ZNF540: variants seen among roughly 807,000 people sequenced by gnomAD.
The protein encoded by ZNF540 is CTD-3064H18.6.
ZNF540 carries 3 observed loss-of-function variants against 11.8 expected under a neutral mutation model. The observed-to-expected ratio is 0.25, with a 90% CI of 0.12 to 0.65. The LOEUF (loss-of-function observed/expected upper bound fraction) is 0.65, where lower values mean the gene tolerates loss of function less well. Ranked by LOEUF, ZNF540 falls within the 30% of genes least tolerant of loss-of-function variation. The pLI is 0.83. For missense variants in ZNF540, 709 were observed against 793.1 expected (o/e 0.89, Z 1.27); for synonymous variants, 247 against 259.0 (o/e 0.95, Z 0.45).
intron 1 of ZNF540, among the ~76,000 whole-genome samples, chr19:37,573,800 T>G (rs1371326031): frequency 6.7e-6 from 1 of 148,744 alleles, no homozygotes; most frequent in Non-Finnish European, 1.5e-5. Context: ...GCCACTGCAC[T>G]CCAGTCTGCG....
chr19:37,553,938 C>T (rs1007041832), intron 1 of ZNF540, among the ~76,000 whole-genome samples: 13 of 152,136 alleles, frequency 8.5e-5, no homozygotes, highest in African/African-American at 2.7e-4. Flanking sequence ...TGTATGAATC[C>T]ATGTTTCCAT....
chr19:37,565,674 C>T, intron 1 of ZNF540: 1 of 1,613,576 alleles, frequency 6.2e-7, no homozygotes, highest in Non-Finnish European at 8.5e-7. Context: ...TTCTTACATT[C>T]ATATGGTTTC....
chr19:37,560,299 T>A (rs928407710), intron 1 of ZNF540: 2 of 151,656 alleles, frequency 1.3e-5, no homozygotes, highest in African/African-American at 4.8e-5. Flanking sequence ...AATAAAAATA[T>A]AAATAAAAAT....
In ZNF540 at chr19:37,564,643, A is replaced by G. The variant is rs370071935; in HGVS notation, c.-73+12978A>G. 9.3e-5 allele frequency: 147 copies of G among 1,582,092 alleles called. 2 individuals carry two copies. The highest frequency in any genetic ancestry group is 4.6e-4 in the South Asian group (39 of 85,694). On this transcript the variant is annotated intron_variant, in intron 1 of 4. Coordinates refer to the ZNF540 transcript ENST00000592533. ...GTTGAGTAAGTTGTGAAGGACATCT[A>G]AAGTCTTTACCACACTGGACACATG...
chr19:37,590,404 G>A (rs1004297611), upstream of ZNF540, among the ~76,000 whole-genome samples: 9 of 151,146 alleles, frequency 6.0e-5, no homozygotes, highest in African/African-American at 2.2e-4. Flanking sequence ...GGGACAGAGT[G>A]AGGCTCCGTT....
intron 4 of ZNF540, among the ~76,000 whole-genome samples, chr19:37,610,834 A>G (rs2044122295): frequency 6.6e-6 from 1 of 152,204 alleles, no homozygotes; most frequent in East Asian, 1.9e-4. Context: ...GATCTATATC[A>G]GAATCATCTA....
chr19:37,609,578 T>C (rs949630981), intron 4 of ZNF540, among the ~76,000 whole-genome samples: 7 of 150,652 alleles, frequency 4.6e-5, no homozygotes, highest in Non-Finnish European at 7.4e-5. Flanking sequence ...CCGGGCGCAG[T>C]GGCTCATGCC....
intron 2 of ZNF540, 133 bp from the exon 3 acceptor site, chr19:37,599,492 AT>A: frequency 9.8e-7 from 1 of 1,022,664 alleles, no homozygotes. Context: ...TTCTATCTTT[AT>A]CATAAGCTTT....
chr19:37,571,876 G>C (rs879288917), intron 1 of ZNF540, among the ~76,000 whole-genome samples: 4 of 152,178 alleles, frequency 2.6e-5, no homozygotes, highest in Non-Finnish European at 5.9e-5. Flanking sequence ...AGTTCAGAAA[G>C]CTATATTGTT....
At chr19:37,590,869 C>T (rs1402588104), upstream of ZNF540, among the ~76,000 whole-genome samples, 1 of 151,996 alleles carries the variant, frequency 6.6e-6, no homozygotes, top group Non-Finnish European at 1.5e-5. Context: ...AACATAAAAA[C>T]CAAAAGAAAT....
intron 4 of ZNF540, 93 bp from the exon 5 acceptor site, chr19:37,611,420 G>T: frequency 9.7e-7 from 1 of 1,026,450 alleles, no homozygotes; most frequent in Non-Finnish European, 1.4e-6. Context: ...AGTAAGAACC[G>T]TTTTCACTTT....
intron 1 of ZNF540, chr19:37,556,047 T>C (rs570121680): frequency 2.8e-6 from 2 of 702,690 alleles, no homozygotes; most frequent in South Asian, 1.5e-5. Flanking sequence ...TTCTGCACCT[T>C]TGGAGCTTCC....
upstream of ZNF540, among the ~76,000 whole-genome samples, chr19:37,590,795 G>A (rs1246217381): frequency 6.6e-6 from 1 of 152,112 alleles, no homozygotes; most frequent in Non-Finnish European, 1.5e-5. Flanking sequence ...TGTGAGTACT[G>A]ATTTTTAATT....
intron 1 of ZNF540, among the ~76,000 whole-genome samples, chr19:37,572,538 A>T (rs4802036): frequency 1 from 152,318 of 152,318 alleles, 76,159 homozygotes; most frequent in Non-Finnish European, 1. Flanking sequence ...AAAAACACAT[A>T]ATATATATGG....
rs1272337985 is a variant in ZNF540 at position 37,613,112 on chromosome 19, A to G, written c.1832A>G (p.Gln611Arg). ...HTGEKPYECKQCGKAFRLNSH... is the reference protein window; with the variant it reads ...HTGEKPYECKRCGKAFRLNSH... ...GGTGAGAAACCCTATGAGTGTAAAC[A>G]ATGTGGGAAGGCCTTTAGACTTAAT... Residue 611 changes from glutamine to arginine, a missense_variant, in exon 5 of 5, where the codon CAA (glutamine) becomes CGA (arginine). Coordinates refer to ENST00000316433, the MANE Select transcript of ZNF540 (RefSeq NM_001172225.3). 6.8e-6 allele frequency: 11 copies of G among 1,613,716 alleles called. No individual in the cohort carries two copies. The highest frequency in any genetic ancestry group is 9.3e-6 in the Non-Finnish European group (11 of 1,179,940).
intron 4 of ZNF540, among the ~76,000 whole-genome samples, chr19:37,606,984 C>T (rs1365978081): frequency 6.6e-6 from 1 of 151,642 alleles, no homozygotes; most frequent in East Asian, 1.9e-4. Flanking sequence ...CACAAAAATT[C>T]CCATTGATAT....
chr19:37,599,179 G>A (rs1465466344), intron 2 of ZNF540, among the ~76,000 whole-genome samples: 2 of 82,362 alleles, frequency 2.4e-5, no homozygotes, highest in East Asian at 2.1e-4. Flanking sequence ...TCGATTGATC[G>A]ATAGATAGAT....
intron 4 of ZNF540, among the ~76,000 whole-genome samples, chr19:37,602,606 G>C (rs1297931044): frequency 6.6e-6 from 1 of 152,180 alleles, no homozygotes; most frequent in Non-Finnish European, 1.5e-5. Context: ...ATAGAATGAA[G>C]GGAGCCAGAG....
At chr19:37,594,294 T>C (rs763966352), upstream of ZNF540, 4 of 152,124 alleles carry the variant, frequency 2.6e-5, no homozygotes, top group Admixed American at 2.6e-4. Flanking sequence ...ACACGAGGAG[T>C]ACTGCGGCCC....
Sources: allele counts gnomAD v4.1 joint callset (sites outside exome capture counted in the v4.1 genomes callset), GRCh38; gene constraint gnomAD v4.1.1; transcripts MANE v1.5; gene names NCBI Gene and HGNC (gene_info 2026-07-23, HGNC 2026-07-21).